ATP5F1A: variants seen among roughly 807,000 people sequenced by gnomAD.
ATP5F1A encodes ATP synthase F(1) complex subunit alpha, mitochondrial.
Under a neutral mutation model 57.4 loss-of-function variants are expected in ATP5F1A, and 24 were observed. The observed-to-expected ratio is 0.42, with a 90% confidence interval of 0.30 to 0.59. The LOEUF (loss-of-function observed/expected upper bound fraction) is 0.59, where lower values mean the gene tolerates loss of function less well. Ranked by LOEUF, ATP5F1A falls within the 20% of genes least tolerant of loss-of-function variation. The probability of loss-of-function intolerance (pLI) is 0.19; values close to 1 mark genes in which losing one functional copy is unlikely to be tolerated. For missense variants in ATP5F1A, 494 were observed against 707.9 expected (o/e 0.70, Z 3.43); for synonymous variants, 251 against 255.5 (o/e 0.98, Z 0.17).
upstream of ATP5F1A, among the ~76,000 whole-genome samples, chr18:46,099,564 G>T (rs1195919718): frequency 6.6e-6 from 1 of 151,928 alleles, no homozygotes; most frequent in Non-Finnish European, 1.5e-5. Flanking sequence ...GCAATCCTCT[G>T]ACCTCAGCCT....
chr18:46,084,081 C>G lies in ATP5F1A; in HGVS notation c.*201G>C. ...TATTCAAGTAAAATAGATCAAGAAG[C>G]ATTTGCTTACCAATTTCTCAATTTG... On this transcript the variant is annotated 3_prime_UTR_variant, in exon 12 of 12. Coordinates refer to ENST00000398752, the MANE Select transcript of ATP5F1A (RefSeq NM_004046.6). The G allele has an allele frequency of 4.1e-6, 2 of 486,812 alleles. No homozygotes were observed. Among genetic ancestry groups the G allele is most frequent in the Non-Finnish European group, 7.1e-6 (2 of 279,822 alleles). The allele number at this position is 486,812 out of a possible 1,614,324, so 30.2% of individuals were successfully genotyped here. A position where few individuals can be genotyped will look rare whatever the true frequency, so the allele number is the denominator to read the frequency against.
In ATP5F1A at chr18:46,082,054, A is replaced by G. The variant is rs1375940471; in HGVS notation, c.*2228T>C. The G allele has an allele frequency of 3.4e-5, 5 of 148,560 alleles. No individual in the cohort carries two copies. The highest frequency in any genetic ancestry group is 7.5e-5 in the African/African-American group (3 of 40,086). The allele number at this position is 148,560 out of a possible 1,614,324, so 9.2% of individuals were successfully genotyped here. ...TAGAACATGACCATGTATGACCCTT[A>G]CAGACAAAAGCCTTTATATATCAGT... On this transcript the variant is annotated 3_prime_UTR_variant, in exon 12 of 12. Coordinates refer to ENST00000398752, the MANE Select transcript of ATP5F1A (RefSeq NM_004046.6).
chr18:46,087,155 G>T lies in ATP5F1A; in HGVS notation c.1029C>A (p.Tyr343Ter). Residue 343 changes from tyrosine to a stop codon, truncating the protein, a stop_gained, in exon 8 of 12, where the codon TAC (tyrosine) becomes TAA (stop). Transcript: ENST00000398752. LOFTEE classifies it high-confidence loss of function. ...CTCTCTCCAGCAACCGGGAGTGTAG[G>T]TAGAACACATCACCAGGATAGGCCT... ...GREAYPGDVFYLHSRLLERAA... is the reference protein window; with the variant it reads ...GREAYPGDVF The T allele has an allele frequency of 6.2e-7, 1 of 1,614,090 alleles. No homozygotes were observed. Among genetic ancestry groups the T allele is most frequent in the Non-Finnish European group, 8.5e-7 (1 of 1,179,956 alleles).
In ATP5F1A at chr18:46,086,210, A is replaced by G. The variant is rs1302268005; in HGVS notation, c.1332T>C (p.Ala444=). The stretch of plus-strand genomic sequence containing the variant: ...GGTCAGAACCGAACTGGGCAAAAGC[A>G]GCAACCTCACGATACTGAGCCAATT... ...KLELAQYREV[A]AFAQFGSDLD... is the part of the protein sequence containing the mutation. The change falls in exon 10 of 12, where the codon GCT becomes GCC. Residue 444 remains alanine (A), a synonymous_variant. Transcript: ENST00000398752. 3 of 1,613,146 alleles carry G rather than the reference A, an allele frequency of 1.9e-6. No individual in the cohort carries two copies. Among genetic ancestry groups the G allele is most frequent in the East Asian group, 2.2e-5 (1 of 44,876 alleles).
chr18:46,089,688 G>A lies in ATP5F1A; in HGVS notation c.528C>T (p.Ala176=). ...SKTRRRVGLK[A]PGIIPRISVR... is the part of the protein sequence containing the mutation. ...CTGAAATTCGAGGAATGATACCGGG[G>A]GCTTTCAGACCAACTCGCCTACGCG... The change falls in exon 5 of 12, where the codon GCC becomes GCT. Residue 176 remains alanine (A), a synonymous_variant. Transcript: ENST00000398752. The A allele has an allele frequency of 6.2e-7, 1 of 1,614,080 alleles. No individual in the cohort carries two copies. Among genetic ancestry groups the A allele is most frequent in the Non-Finnish European group, 8.5e-7 (1 of 1,179,930 alleles).
At position 46,095,092 on chromosome 18, in the gene ATP5F1A, T is replaced by C. The variant is rs761614852; in HGVS notation, c.100A>G (p.Arg34Gly). ...NALGSSFIAA[R>G]NFHASNTHLQ... is the part of the protein sequence containing the mutation. Reference sequence around the variant, plus strand: ...TGAGTGTTAGAGGCATGGAAGTTCCTTGCAGCAATGAAAGATGAACCCAAA... The same window carrying C: ...TGAGTGTTAGAGGCATGGAAGTTCCCTGCAGCAATGAAAGATGAACCCAAA... The change falls in exon 2 of 12, where the codon AGG becomes GGG. Residue 34 changes from arginine to glycine, a missense_variant. Around this residue, in one of 6 missense-constraint regions of ATP5F1A, gnomAD observed 142 missense variants for 137.5 expected, o/e 1.03. Coordinates refer to ENST00000398752, the MANE Select transcript of ATP5F1A (RefSeq NM_004046.6). 3 of 1,613,708 alleles carry C rather than the reference T, an allele frequency of 1.9e-6. No individual in the cohort carries two copies. The highest frequency in any genetic ancestry group is 1.3e-5 in the African/African-American group (1 of 74,986).
chr18:46,099,064 T>C (rs977760258), upstream of ATP5F1A, among the ~76,000 whole-genome samples: 5 of 152,070 alleles, frequency 3.3e-5, no homozygotes, highest in East Asian at 9.6e-4. Context: ...GTAACAAACC[T>C]GCACGTCCTG....
rs8098522 is a variant in ATP5F1A at position 46,086,977 on chromosome 18, T to C, written c.1176+31A>G. 49 of 1,603,886 alleles carry C rather than the reference T, an allele frequency of 3.1e-5. No individual in the cohort carries two copies. The African/African-American group carries it at 6.4e-4, about 21-fold the overall frequency. On this transcript the variant is annotated intron_variant, in intron 8 of 11. Coordinates refer to ENST00000398752, the MANE Select transcript of ATP5F1A (RefSeq NM_004046.6). Reference sequence around the variant, plus strand: ...TGCCTTAGAATTATCCAAATCTTTTTTAACATTTCTTTTAATCATTAAAAT... The same window carrying C: ...TGCCTTAGAATTATCCAAATCTTTTCTAACATTTCTTTTAATCATTAAAAT...
chr18:46,097,852 T>A (rs1599793413), intron 1 of ATP5F1A: 1 of 1,161,544 alleles, frequency 8.6e-7, no homozygotes, highest in Non-Finnish European at 1.1e-6. Context: ...AGAACAGGCC[T>A]CGGAGAGCTA....
At position 46,086,146 on chromosome 18, in the gene ATP5F1A, G is replaced by A. The variant is rs988798093; in HGVS notation, c.1396C>T (p.Arg466Cys). ...CCTTGCTTCAGCAACTCAGTTAGAC[G>A]CACGCCACGACTCAAAAGTTGTTGA... ...ATQQLLSRGV[R>C]LTELLKQGQY... The change falls in exon 10 of 12, where the codon CGT (arginine) becomes TGT (cysteine). Residue 466 changes from arginine to cysteine, a missense_variant. By Grantham distance (180) the Arg-to-Cys change is radical (BLOSUM62 -3). Around this residue, in one of 6 missense-constraint regions of ATP5F1A, gnomAD observed 127 missense variants for 195.2 expected, o/e 0.65. Coordinates refer to ENST00000398752, the MANE Select transcript of ATP5F1A (RefSeq NM_004046.6). 1.4e-5 allele frequency: 22 copies of A among 1,611,926 alleles called. No individual in the cohort carries two copies. The highest frequency in any genetic ancestry group is 2.7e-5 in the African/African-American group (2 of 74,788).
upstream of ATP5F1A, among the ~76,000 whole-genome samples, chr18:46,103,196 G>A (rs1479660293): frequency 6.6e-6 from 1 of 152,038 alleles, no homozygotes; most frequent in South Asian, 2.1e-4. Context: ...CCAGCTACTA[G>A]AGAGGATGAG....
At chr18:46,093,627 C>CA (rs1268924380) in intron 2 of ATP5F1A, among the ~76,000 whole-genome samples, 1 of 152,110 alleles carries the variant, frequency 6.6e-6, no homozygotes, top group Non-Finnish European at 1.5e-5. Context: ...GCTTTGAGAT[C>CA]AGCCAGGCCA....
At chr18:46,089,536 A>T in intron 5 of ATP5F1A, 30 bp downstream of exon 5, 1 of 1,609,562 alleles carries the variant, frequency 6.2e-7, no homozygotes, top group East Asian at 2.2e-5. Flanking sequence ...AATTTTAGTT[A>T]GAACTTTTAA....
intron 3 of ATP5F1A, among the ~76,000 whole-genome samples, chr18:46,090,494 AC>A (rs1164776149): frequency 6.6e-5 from 10 of 152,342 alleles, no homozygotes; most frequent in Admixed American, 1.3e-4. Context: ...CCTAACTGTA[AC>A]CAATCAAATA....
upstream of ATP5F1A, among the ~76,000 whole-genome samples, chr18:46,101,237 A>G (rs145038285): frequency 4.1e-4 from 62 of 152,128 alleles, no homozygotes; most frequent in African/African-American, 1.4e-3. Flanking sequence ...GACCCAATCA[A>G]CTTTCACAAG....
intron 2 of ATP5F1A, chr18:46,093,286 C>T (rs1910695843): frequency 6.6e-6 from 1 of 151,844 alleles, no homozygotes; most frequent in South Asian, 2.1e-4. Context: ...CCAGTAATAC[C>T]AGCACTTTGG....
At chr18:46,093,810 T>C (rs1910739447) in intron 2 of ATP5F1A, among the ~76,000 whole-genome samples, 1 of 135,032 alleles carries the variant, frequency 7.4e-6, no homozygotes, top group Non-Finnish European at 1.6e-5. Context: ...GGCAACAGAG[T>C]CTCAAAAAAA....
At chr18:46,089,416 GC>G in intron 5 of ATP5F1A, 149 bp downstream of exon 5, 1 of 899,406 alleles carries the variant, frequency 1.1e-6, no homozygotes, top group African/African-American at 1.7e-5. Context: ...GGAGGGGCTG[GC>G]CCCCTTCACT....
In ATP5F1A at chr18:46,089,654, G is replaced by A; in HGVS notation, c.562C>T (p.Pro188Ser). 6.2e-7 allele frequency: 1 copy of A among 1,614,244 alleles called. No individual in the cohort carries two copies. The highest frequency in any genetic ancestry group is 8.5e-7 in the Non-Finnish European group (1 of 1,180,044). The change falls in exon 5 of 12, where the codon CCA (proline) becomes TCA (serine). Residue 188 changes from proline (P) to serine (S), a missense_variant. By Grantham distance (74) the Pro-to-Ser change is moderately conservative. Around this residue, in one of 6 missense-constraint regions of ATP5F1A, gnomAD observed 191 missense variants for 267.7 expected, o/e 0.71. Transcript: ENST00000398752. Reference sequence around the variant, plus strand: ...ACAGCCTTAATGCCAGTCTGCATTGGTTCCCGCACTGAAATTCGAGGAATG... The same window carrying A: ...ACAGCCTTAATGCCAGTCTGCATTGATTCCCGCACTGAAATTCGAGGAATG... The part of the protein sequence containing the change: ...GIIPRISVRE[P>S]MQTGIKAVDS...
Sources: allele counts gnomAD v4.1 joint callset (sites outside exome capture counted in the v4.1 genomes callset), GRCh38; gene constraint gnomAD v4.1.1; regional missense constraint gnomAD v4.1.1; transcripts MANE v1.5; gene names NCBI Gene and HGNC (gene_info 2026-07-23, HGNC 2026-07-21).